The following SPSB1 variants were observed in gnomAD, a reference collection of about 807,000 sequenced individuals.
SPSB1 encodes splA/ryanodine receptor domain and SOCS box containing 1.
Under a neutral mutation model 21.2 loss-of-function variants are expected in SPSB1, and 8 were observed. That is an observed-to-expected ratio of 0.38 (90% CI 0.22 to 0.68). The LOEUF (loss-of-function observed/expected upper bound fraction) is 0.68, where lower values mean the gene tolerates loss of function less well. Among genes scored for constraint, SPSB1 ranks in the 30% least tolerant of loss-of-function variants. The pLI is 0.53. For missense variants in SPSB1, 242 were observed against 377.8 expected, an observed-to-expected ratio of 0.64 and a Z score of 2.98; for synonymous variants, 169 against 161.7, an observed-to-expected ratio of 1.05 and a Z score of -0.34.
chr1:9,316,011 G>T (rs1639607561), intron 1 of SPSB1, among the ~76,000 whole-genome samples: 1 of 152,230 alleles, frequency 6.6e-6, no homozygotes, highest in Non-Finnish European at 1.5e-5. Flanking sequence ...TTCAGAGGTG[G>T]AAATTGCTTA....
intron 1 of SPSB1, among the ~76,000 whole-genome samples, chr1:9,340,148 A>T (rs1640067785): frequency 6.6e-6 from 1 of 152,116 alleles, no homozygotes; most frequent in Admixed American, 6.5e-5. Flanking sequence ...ACGCAGGGTG[A>T]CCAGTTCCCT....
intron 1 of SPSB1, among the ~76,000 whole-genome samples, chr1:9,344,159 T>G (rs995716938): frequency 1.3e-5 from 2 of 152,220 alleles, no homozygotes; most frequent in African/African-American, 4.8e-5. Context: ...TCTGAGATTC[T>G]AAACTGTTGA....
At chr1:9,335,736 A>C (rs1639993950) in intron 1 of SPSB1, among the ~76,000 whole-genome samples, 1 of 152,088 alleles carries the variant, frequency 6.6e-6, no homozygotes, top group Admixed American at 6.6e-5. Context: ...TGAGCCCAGA[A>C]GGTTGAGCCT....
In SPSB1 at chr1:9,293,711, T is replaced by A. The variant is rs1639159822; in HGVS notation, c.-150+640T>A. Among the ~76,000 whole-genome samples the A allele has an allele frequency of 6.6e-6, 1 of 151,782 alleles. No homozygotes were observed. Among genetic ancestry groups the A allele is most frequent in the Non-Finnish European group, 1.5e-5 (1 of 67,898 alleles). On this transcript the variant is annotated intron_variant, in intron 1 of 2. Coordinates refer to ENST00000328089, the MANE Select transcript of SPSB1 (RefSeq NM_025106.4). This position sits in a 1 kb window ranked among gnomAD's most constrained non-coding sequence, Gnocchi z 5.1. ...TTAAATCAGAAAAACAAGGGCGGCC[T>A]GGGCCCGCGGGAGGAACCGCGGATG...
chr1:9,341,828 G>A (rs1640095963), intron 1 of SPSB1, among the ~76,000 whole-genome samples: 1 of 152,146 alleles, frequency 6.6e-6, no homozygotes, highest in South Asian at 2.1e-4. Context: ...TCAGCCTCCT[G>A]AGTAGCTGGA....
chr1:9,307,823 T>G (rs1639445151), intron 1 of SPSB1, among the ~76,000 whole-genome samples: 2 of 152,210 alleles, frequency 1.3e-5, no homozygotes. Flanking sequence ...CAGTTCCCAT[T>G]GCTATTACGG....
chr1:9,315,303 T>C (rs1639595458), intron 1 of SPSB1, among the ~76,000 whole-genome samples: 1 of 152,226 alleles, frequency 6.6e-6, no homozygotes, highest in Admixed American at 6.5e-5. Context: ...CACAGCCCCG[T>C]GCCAGTGTTG....
At chr1:9,297,836 C>T (rs1639251074) in intron 1 of SPSB1, among the ~76,000 whole-genome samples, 1 of 152,160 alleles carries the variant, frequency 6.6e-6, no homozygotes, top group South Asian at 2.1e-4. Flanking sequence ...GTGGATTTGT[C>T]TCTTAAAAGC....
intron 2 of SPSB1, among the ~76,000 whole-genome samples, chr1:9,362,317 G>T (rs1464738307): frequency 6.6e-6 from 1 of 152,242 alleles, no homozygotes; most frequent in African/African-American, 2.4e-5. Context: ...GGGACCAAGG[G>T]TGTCTGATCA....
rs1455470304 is a variant in SPSB1 at position 9,324,743 on chromosome 1, C to T, written c.-149-31000C>T. Among the ~76,000 whole-genome samples, 1 of 152,222 alleles carries T rather than the reference C, an allele frequency of 6.6e-6. No individual in the cohort carries two copies. Among genetic ancestry groups the T allele is most frequent in the East Asian group, 1.9e-4 (1 of 5,196 alleles). ...CCCAGAATCTCTCTGGGAATGAGCA[C>T]AGCCACCTCCGAGCCACAGCTCACT... is the stretch of plus-strand genomic sequence containing the variant. On this transcript the variant is annotated intron_variant, in intron 1 of 2. Transcript: ENST00000328089. This position sits in a 1 kb window ranked among gnomAD's most constrained non-coding sequence, Gnocchi z 4.3.
Position 9,346,770 on chromosome 1 carries a change from C to T in SPSB1, c.-149-8973C>T, listed in dbSNP as rs773860481. Among the ~76,000 whole-genome samples, 33 of 152,208 alleles carry T rather than the reference C, an allele frequency of 2.2e-4. No homozygotes were observed. Among genetic ancestry groups the T allele is most frequent in the Non-Finnish European group, 3.5e-4 (24 of 68,040 alleles). ...GCCACCGGTGTTTCTGATGGGGCCA[C>T]CTCACCTGGCCTTTGCCACATGCAG... On this transcript the variant is annotated intron_variant, in intron 1 of 2. Coordinates refer to ENST00000328089, the MANE Select transcript of SPSB1 (RefSeq NM_025106.4). The surrounding 1 kb of genome is among the most constrained non-coding windows in gnomAD (Gnocchi z 4.4).
At chr1:9,299,779 C>T (rs558935481) in intron 1 of SPSB1, among the ~76,000 whole-genome samples, 2 of 151,898 alleles carry the variant, frequency 1.3e-5, no homozygotes, top group African/African-American at 2.4e-5. Context: ...GCGCCCGGGC[C>T]GACATCATCT....
chr1:9,334,596 G>A (rs1014475451), intron 1 of SPSB1, among the ~76,000 whole-genome samples: 4 of 152,092 alleles, frequency 2.6e-5, no homozygotes, highest in East Asian at 1.9e-4. Flanking sequence ...AACCATCACC[G>A]TTGTCCATCT....
At chr1:9,360,012 G>T (rs1239391853) in intron 2 of SPSB1, among the ~76,000 whole-genome samples, 1 of 152,224 alleles carries the variant, frequency 6.6e-6, no homozygotes, top group African/African-American at 2.4e-5. Context: ...CCCAAAGGAG[G>T]AGCAGGTGTT....
Position 9,324,102 on chromosome 1 carries a change from T to C in SPSB1, c.-150+31031T>C, listed in dbSNP as rs1639772873. 6.6e-6 allele frequency among the ~76,000 whole-genome samples: 1 copy of C among 152,192 alleles called. No individual in the cohort carries two copies. The highest frequency in any genetic ancestry group is 1.5e-5 in the Non-Finnish European group (1 of 68,030). Reference sequence around the variant, plus strand: ...TGCTCTGTCATGGCCCCACCTTTTTTCCTAGGTTTTTCAGTCCATATCTTT... The same window carrying C: ...TGCTCTGTCATGGCCCCACCTTTTTCCCTAGGTTTTTCAGTCCATATCTTT... On this transcript the variant is annotated intron_variant, in intron 1 of 2. Transcript: ENST00000328089. The surrounding 1 kb of genome is among the most constrained non-coding windows in gnomAD (Gnocchi z 4.3).
chr1:9,350,684 G>A (rs1473195723), intron 1 of SPSB1, among the ~76,000 whole-genome samples: 1 of 152,224 alleles, frequency 6.6e-6, no homozygotes, highest in Non-Finnish European at 1.5e-5. Context: ...AGCCCTGCAG[G>A]GCAGTACGAG....
intron 1 of SPSB1, among the ~76,000 whole-genome samples, chr1:9,344,585 G>A (rs1482198326): frequency 2.0e-5 from 3 of 152,194 alleles, no homozygotes; most frequent in African/African-American, 4.8e-5. Flanking sequence ...GGCAGGAGGA[G>A]GGCAGGGAGC....
chr1:9,293,613 T>TCCCCGCCGCCCC lies in SPSB1; in HGVS notation c.-150+543_-150+554dup, dbSNP rs888299746. On this transcript the variant is annotated intron_variant, in intron 1 of 2. Coordinates refer to ENST00000328089, the MANE Select transcript of SPSB1 (RefSeq NM_025106.4). The surrounding 1 kb of genome is among the most constrained non-coding windows in gnomAD (Gnocchi z 5.1). ...TGCCGGGGACACCCGAGCGCCGCCCTCCCCGCCGCCCCGGAGCCGCCGCGG... is the reference window on the plus strand; with the variant it reads ...TGCCGGGGACACCCGAGCGCCGCCCTCCCCGCCGCCCCCCCCGCCGCCCCGGAGCCGCCGCGG... 6.6e-6 allele frequency among the ~76,000 whole-genome samples: 1 copy of TCCCCGCCGCCCC among 151,136 alleles called. No homozygotes were observed. The highest frequency in any genetic ancestry group is 2.4e-5 in the African/African-American group (1 of 41,106).
chr1:9,323,684 G>C (rs75478423), intron 1 of SPSB1, among the ~76,000 whole-genome samples: 1 of 152,210 alleles, frequency 6.6e-6, no homozygotes, highest in African/African-American at 2.4e-5. Flanking sequence ...TCCAGGCACC[G>C]AGAGCCCATG....
Sources: gnomAD v4.1 joint callset for allele counts (sites outside exome capture counted in the v4.1 genomes callset) on GRCh38, gnomAD v4.1.1 for gene constraint, Gnocchi (gnomAD v3.1) non-coding constraint, MANE v1.5 for transcripts, NCBI Gene and HGNC (gene_info 2026-07-23, HGNC 2026-07-21) for gene names.